UBN2: variants seen among roughly 807,000 people sequenced by gnomAD.
The protein encoded by UBN2 is ubinuclein 2.
In UBN2, 35 loss-of-function variants were observed where a neutral mutation model predicts 120.2. The ratio of observed to expected loss-of-function variants is 0.29; its 90% CI spans 0.22 to 0.39. The LOEUF (loss-of-function observed/expected upper bound fraction) is 0.39, where lower values mean the gene tolerates loss of function less well. Among genes scored for constraint, UBN2 ranks in the 10% least tolerant of loss-of-function variants. The pLI is 1.00. For missense variants in UBN2, 1,693 were observed against 1,663.2 expected (o/e 1.02, Z -0.31); for synonymous variants, 661 against 648.7 (o/e 1.02, Z -0.29).
intron 17 of UBN2, among the ~76,000 whole-genome samples, chr7:139,294,192 GA>G (rs1176836880): frequency 1.3e-5 from 2 of 152,188 alleles, no homozygotes; most frequent in Non-Finnish European, 2.9e-5. Context: ...GAGCCTTTTT[GA>G]AGGTGTTTAT....
intron 7 of UBN2, among the ~76,000 whole-genome samples, chr7:139,268,790 G>A (rs779054481): frequency 2.6e-5 from 4 of 152,120 alleles, no homozygotes; most frequent in Non-Finnish European, 4.4e-5. Flanking sequence ...AATTTATTGT[G>A]CTTTACCCAA....
At chr7:139,324,512 C>T in the UBN2 span, among the ~76,000 whole-genome samples, 6 of 140,926 alleles carry the variant, frequency 4.3e-5, no homozygotes, top group South Asian at 2.2e-4. Flanking sequence ...GCCGAGATCG[C>T]GCCACAGCAC....
intron 6 of UBN2, among the ~76,000 whole-genome samples, chr7:139,265,421 T>C (rs1195794022): frequency 6.6e-6 from 1 of 151,930 alleles, no homozygotes; most frequent in Non-Finnish European, 1.5e-5. Context: ...GAGATTGCAG[T>C]AAGCCGAGAT....
chr7:139,259,171 A>T (rs1383163136), intron 4 of UBN2, 96 bp from the exon 5 acceptor site: 7 of 1,518,014 alleles, frequency 4.6e-6, no homozygotes, highest in African/African-American at 1.4e-5. Context: ...ATGCACACTG[A>T]CATTTGAGAA....
At chr7:139,242,646 T>G (rs1055804211) in intron 2 of UBN2, among the ~76,000 whole-genome samples, 9 of 152,256 alleles carry the variant, frequency 5.9e-5, no homozygotes, top group African/African-American at 2.2e-4. Context: ...GATCACTTGC[T>G]GTGACATGCC....
In UBN2 at chr7:139,307,690, C is replaced by G. The variant is rs1054739241; in HGVS notation, c.*9854C>G. On this transcript the variant is annotated 3_prime_UTR_variant, in exon 18 of 18. Coordinates refer to ENST00000473989, the MANE Select transcript of UBN2 (RefSeq NM_173569.4). Reference sequence around the variant, plus strand: ...AGGTATTTCCATTTGGTTAACTAAACGCTAGCTACCAGGAAATGACGCAGA... The same window carrying G: ...AGGTATTTCCATTTGGTTAACTAAAGGCTAGCTACCAGGAAATGACGCAGA... 2.6e-5 allele frequency: 4 copies of G among 152,052 alleles called. No homozygotes were observed. Among genetic ancestry groups the G allele is most frequent in the Non-Finnish European group, 4.4e-5 (3 of 68,014 alleles). The allele number at this position is 152,052 out of a possible 1,614,324, so 9.4% of individuals were successfully genotyped here.
At chr7:139,312,682 T>C (rs955823942), downstream of UBN2, among the ~76,000 whole-genome samples, 1 of 152,252 alleles carries the variant, frequency 6.6e-6, no homozygotes, top group African/African-American at 2.4e-5. Flanking sequence ...CTTTTTGTCT[T>C]ATGTTTGTGT....
At chr7:139,309,828 G>A (rs959959258), downstream of UBN2, among the ~76,000 whole-genome samples, 10 of 151,470 alleles carry the variant, frequency 6.6e-5, no homozygotes, top group Non-Finnish European at 1.3e-4. Flanking sequence ...CCAAGATCGC[G>A]CCACTGCACT....
chr7:139,300,208 T>G lies in UBN2; in HGVS notation c.*2372T>G, dbSNP rs192871127. ...AGAATACAATGTGGAGATTCTTCTG[T>G]GTTCTCTTTAGTCTTGATTCCTTGA... On this transcript the variant is annotated 3_prime_UTR_variant, in exon 18 of 18. Coordinates refer to ENST00000473989, the MANE Select transcript of UBN2 (RefSeq NM_173569.4). The G allele has an allele frequency of 6.6e-6, 1 of 152,318 alleles. No individual in the cohort carries two copies. The highest frequency in any genetic ancestry group is 2.4e-5 in the African/African-American group (1 of 41,564). The allele number at this position is 152,318 out of a possible 1,614,324, so 9.4% of individuals were successfully genotyped here. A position where few individuals can be genotyped will look rare whatever the true frequency, so the allele number is the denominator to read the frequency against.
At chr7:139,250,563 G>C (rs1460429947) in intron 2 of UBN2, among the ~76,000 whole-genome samples, 2 of 150,430 alleles carry the variant, frequency 1.3e-5, no homozygotes, top group Non-Finnish European at 1.5e-5. Context: ...AAAAAAAGAA[G>C]AACTACTGTA....
At chr7:139,291,392 C>CA (rs891607809) in intron 15 of UBN2, among the ~76,000 whole-genome samples, 10 of 120,042 alleles carry the variant, frequency 8.3e-5, no homozygotes, top group African/African-American at 1.9e-4. Context: ...ACATGGAAAA[C>CA]AAAAAAAATA....
At position 139,296,311 on chromosome 7, in the gene UBN2, A is replaced by T. The variant is rs571071834; in HGVS notation, c.3995-1476A>T. Among the ~76,000 whole-genome samples the T allele has an allele frequency of 3.3e-5, 5 of 152,352 alleles. No homozygotes were observed. The East Asian group carries it at 9.6e-4, about 29-fold the overall frequency. On this transcript the variant is annotated intron_variant, in intron 17 of 17. Transcript: ENST00000473989. ...TCAACTGACCATTGTAGTGAAAAAC[A>T]GCCATAAGGAGTATTTAAACACATG...
Position 139,302,208 on chromosome 7 carries a change from G to A in UBN2, c.*4372G>A, listed in dbSNP as rs912739979. On this transcript the variant is annotated 3_prime_UTR_variant, in exon 18 of 18. Transcript: ENST00000473989. ...ACTTGTCAACATCATGTCATGCTGTGTAACCCTCTTCCTTTGCTTTCTATG... is the reference window on the plus strand; with the variant it reads ...ACTTGTCAACATCATGTCATGCTGTATAACCCTCTTCCTTTGCTTTCTATG... 1.3e-5 allele frequency: 2 copies of A among 152,132 alleles called. No individual in the cohort carries two copies. The highest frequency in any genetic ancestry group is 2.9e-5 in the Non-Finnish European group (2 of 68,030). 9.4% of individuals were successfully genotyped at this position (152,132 alleles called of 1,614,324 possible). A position where few individuals can be genotyped will look rare whatever the true frequency, so the allele number is the denominator to read the frequency against.
At chr7:139,310,686 T>C (rs758860176), downstream of UBN2, among the ~76,000 whole-genome samples, 1 of 152,172 alleles carries the variant, frequency 6.6e-6, no homozygotes, top group Non-Finnish European at 1.5e-5. Context: ...GGCAGGAGAA[T>C]CGCTTGCACC....
intron 3 of UBN2, among the ~76,000 whole-genome samples, chr7:139,252,459 A>T (rs558481861): frequency 6.6e-6 from 1 of 152,194 alleles, no homozygotes; most frequent in Non-Finnish European, 1.5e-5. Flanking sequence ...AACTTTATCT[A>T]TGGTCTGTGA....
chr7:139,308,847 G>A (rs926058388), downstream of UBN2, among the ~76,000 whole-genome samples: 12 of 152,072 alleles, frequency 7.9e-5, no homozygotes, highest in African/African-American at 2.4e-4. Flanking sequence ...AGAGGCGGGC[G>A]GATCACGAGG....
the UBN2 span, among the ~76,000 whole-genome samples, chr7:139,326,710 C>T: frequency 2.0e-5 from 3 of 152,192 alleles, no homozygotes; most frequent in African/African-American, 7.2e-5. Context: ...CCAATTAGAA[C>T]CACTCACTTG....
At position 139,302,902 on chromosome 7, in the gene UBN2, G is replaced by C. The variant is rs1798293576; in HGVS notation, c.*5066G>C. ...TAAACTTGGCATAAGTAATATAGGAGACAGCATTGGAATAACAAGAGTACC... is the reference window on the plus strand; with the variant it reads ...TAAACTTGGCATAAGTAATATAGGACACAGCATTGGAATAACAAGAGTACC... On this transcript the variant is annotated 3_prime_UTR_variant, in exon 18 of 18. Coordinates refer to ENST00000473989, the MANE Select transcript of UBN2 (RefSeq NM_173569.4). 6.6e-6 allele frequency: 1 copy of C among 152,078 alleles called. No homozygotes were observed. Among genetic ancestry groups the C allele is most frequent in the Non-Finnish European group, 1.5e-5 (1 of 68,026 alleles). The allele number at this position is 152,078 out of a possible 1,614,324, so 9.4% of individuals were successfully genotyped here.
chr7:139,322,846 T>C, the UBN2 span, among the ~76,000 whole-genome samples: 3 of 152,040 alleles, frequency 2.0e-5, no homozygotes, highest in East Asian at 5.8e-4. Context: ...CTGGACTTTT[T>C]TAAAAAACCA....
Sources: allele counts gnomAD v4.1 joint callset (sites outside exome capture counted in the v4.1 genomes callset), GRCh38; gene constraint gnomAD v4.1.1; transcripts MANE v1.5; gene names NCBI Gene and HGNC (gene_info 2026-07-23, HGNC 2026-07-21).